Variants in CNGA3 observed in about 807,000 individuals in gnomAD.
CNGA3 encodes cyclic nucleotide gated channel subunit alpha 3.
A neutral mutation model predicts 46.6 loss-of-function variants in CNGA3; 42 were observed. That is an observed-to-expected ratio of 0.90 (90% CI 0.70 to 1.17). The LOEUF is 1.17. Ranked by LOEUF, CNGA3 falls within the 50% of genes most tolerant of loss-of-function variation. The pLI, the probability that CNGA3 is intolerant of heterozygous loss-of-function variation, is 0.00. For synonymous variants in CNGA3, 394 were observed against 369.4 expected (o/e 1.07, Z -0.76); for missense variants, 893 against 890.7 (o/e 1.00, Z -0.03).
Position 98,368,421 on chromosome 2 carries a change from C to T in CNGA3, c.-37-1518C>T, listed in dbSNP as rs1310916556. Among the ~76,000 whole-genome samples, 5 of 152,224 alleles carry T rather than the reference C, an allele frequency of 3.3e-5. No homozygotes were observed. The South Asian group carries it at 1.0e-3, about 31-fold the overall frequency. ...CTGTGCTAATCTATTTTAGAGAAAC[C>T]ATCCTCAGAAATGCATCTTCCAGTG... On this transcript the variant is annotated intron_variant, in intron 1 of 7. Transcript: ENST00000272602.
intron 1 of CNGA3, among the ~76,000 whole-genome samples, chr2:98,352,328 A>G (rs1395916161): frequency 1.3e-5 from 2 of 152,184 alleles, no homozygotes; most frequent in African/African-American, 4.8e-5. Context: ...GCTACTGTAA[A>G]TAATGCTGCT....
chr2:98,382,830 G>A (rs1692568390), intron 4 of CNGA3, among the ~76,000 whole-genome samples: 1 of 152,192 alleles, frequency 6.6e-6, no homozygotes, highest in African/African-American at 2.4e-5. Flanking sequence ...AGATAGGAGA[G>A]GACAAGAGGA....
chr2:98,381,853 C>T (rs535116148), intron 4 of CNGA3, among the ~76,000 whole-genome samples: 2 of 152,148 alleles, frequency 1.3e-5, no homozygotes, highest in Admixed American at 6.5e-5. Context: ...GATAAGGAGG[C>T]AGGCAGATAA....
At chr2:98,392,599 A>AAAAGAAAAGAAAAG (rs1558818443) in intron 7 of CNGA3, among the ~76,000 whole-genome samples, 103 of 151,444 alleles carry the variant, frequency 6.8e-4, no homozygotes, top group African/African-American at 2.2e-3. Flanking sequence ...GAAAAGAAAA[A>AAAAGAAAAGAAAAG]AAAAGAAAAG....
chr2:98,367,483 C>A (rs949105403), intron 1 of CNGA3, among the ~76,000 whole-genome samples: 1 of 152,118 alleles, frequency 6.6e-6, no homozygotes, highest in Non-Finnish European at 1.5e-5. Flanking sequence ...CGTGAGCTAC[C>A]CCGCCCGGCT....
In CNGA3 at chr2:98,389,642, A is replaced by G; in HGVS notation, c.450-16A>G. On this transcript the variant is annotated splice_polypyrimidine_tract_variant and intron_variant, in intron 5 of 7. Transcript: ENST00000272602. ...TTGGAGCACAGTGCGCTGTTTGTGT[A>G]TGTGTGGGTTTCCAGGAAGAAGACG... The G allele has an allele frequency of 1.2e-6, 2 of 1,607,076 alleles. No individual in the cohort carries two copies. The highest frequency in any genetic ancestry group is 1.7e-6 in the Non-Finnish European group (2 of 1,173,708).
chr2:98,398,471 TCTTC>T lies in CNGA3; in HGVS notation c.*1221_*1224del, dbSNP rs1474012479. ...CTTCTTCCTTTCCTTTTTTCTTTCT[TCTTC>T]CTTCTTTCTTCCTTTTTCTCTCTCC... On this transcript the variant is annotated 3_prime_UTR_variant, in exon 8 of 8. Coordinates refer to ENST00000272602, the MANE Select transcript of CNGA3 (RefSeq NM_001298.3). 6.6e-6 allele frequency: 1 copy of T among 152,154 alleles called. No individual in the cohort carries two copies. The highest frequency in any genetic ancestry group is 1.5e-5 in the Non-Finnish European group (1 of 68,000). The allele number at this position is 152,154 out of a possible 1,614,324, so 9.4% of individuals were successfully genotyped here.
intron 1 of CNGA3, among the ~76,000 whole-genome samples, chr2:98,362,255 C>G (rs1692052415): frequency 6.9e-6 from 1 of 144,800 alleles, no homozygotes. Flanking sequence ...TCTCGGCTCA[C>G]TGCAACCTCT....
chr2:98,393,377 A>C (rs1035351525), intron 7 of CNGA3, among the ~76,000 whole-genome samples: 3 of 152,250 alleles, frequency 2.0e-5, no homozygotes, highest in African/African-American at 7.2e-5. Flanking sequence ...ATGAGACAAG[A>C]AGCTCAGGTG....
chr2:98,372,677 G>A (rs1474820112), intron 2 of CNGA3, among the ~76,000 whole-genome samples: 3 of 152,136 alleles, frequency 2.0e-5, no homozygotes, highest in Non-Finnish European at 2.9e-5. Context: ...CCCTCCTAGG[G>A]TTGTGGTGAG....
chr2:98,392,011 ACGGGAGTGTTC>A (rs766621130), intron 7 of CNGA3, 41 bp downstream of exon 7: 1 of 1,550,828 alleles, frequency 6.4e-7, no homozygotes, highest in South Asian at 1.1e-5. Flanking sequence ...CATGGCCCCC[ACGGGAGTGTTC>A]CGGGAGACCC....
intron 4 of CNGA3, among the ~76,000 whole-genome samples, chr2:98,381,666 G>T (rs750544425): frequency 2.0e-5 from 3 of 152,196 alleles, no homozygotes; most frequent in Non-Finnish European, 4.4e-5. Context: ...GAGAATCCCT[G>T]ACTGAGATGG....
Position 98,389,727 on chromosome 2 carries a change from C to T in CNGA3, c.519C>T (p.Thr173=), listed in dbSNP as rs763964348. ...GCAACCTGTACTACCGCTGGCTGAC[C>T]GCCATCGCCCTGCCTGTCTTCTATA... ...PSSNLYYRWL[T]AIALPVFYNW... is the part of the protein sequence containing the mutation. The change falls in exon 6 of 8, where the codon ACC becomes ACT. Residue 173 remains threonine (T), a synonymous_variant. Coordinates refer to ENST00000272602, the MANE Select transcript of CNGA3 (RefSeq NM_001298.3). The T allele has an allele frequency of 2.9e-5, 46 of 1,613,518 alleles. No homozygotes were observed. The highest frequency in any genetic ancestry group is 1.8e-4 in the Middle Eastern group (1 of 5,606).
At position 98,383,427 on chromosome 2, in the gene CNGA3, C is replaced by A. The variant is rs868247684; in HGVS notation, c.435C>A (p.Asn145Lys). 6.2e-7 allele frequency: 1 copy of A among 1,614,212 alleles called. No individual in the cohort carries two copies. The highest frequency in any genetic ancestry group is 1.3e-5 in the African/African-American group (1 of 75,056). Reference protein sequence around the residue: ...PLAKCNTNTSNNTEEEKKTKK... With the variant: ...PLAKCNTNTSKNTEEEKKTKK... Reference sequence around the variant, plus strand: ...CCAAATGCAACACTAACACCAGCAACAACACGGAGGAGGAGTAAGTACCCA... The same window carrying A: ...CCAAATGCAACACTAACACCAGCAAAAACACGGAGGAGGAGTAAGTACCCA... Residue 145 changes from asparagine (N) to lysine (K), a missense_variant, in exon 5 of 8, where the codon AAC becomes AAA. Asn to Lys is a moderately conservative substitution (Grantham distance 94, BLOSUM62 0). Coordinates refer to ENST00000272602, the MANE Select transcript of CNGA3 (RefSeq NM_001298.3).
In CNGA3 at chr2:98,366,242, C is replaced by A. The variant is rs113350905; in HGVS notation, c.-37-3697C>A. 4.5e-3 allele frequency among the ~76,000 whole-genome samples: 655 copies of A among 145,360 alleles called. 3 individuals are homozygous for A. The highest frequency in any genetic ancestry group is 0.015 in the African/African-American group (612 of 40,682). On this transcript the variant is annotated intron_variant, in intron 1 of 7. Coordinates refer to ENST00000272602, the MANE Select transcript of CNGA3 (RefSeq NM_001298.3). ...CTGGAGGTGTTACCAGTGGAGGCTGCAGAACAGCAAAGATGGCTGCCTGCT... is the reference window on the plus strand; with the variant it reads ...CTGGAGGTGTTACCAGTGGAGGCTGAAGAACAGCAAAGATGGCTGCCTGCT...
chr2:98,395,980 C>T lies in CNGA3; in HGVS notation c.810C>T (p.Tyr270=). 1.2e-6 allele frequency: 2 copies of T among 1,614,194 alleles called. No individual in the cohort carries two copies. The highest frequency in any genetic ancestry group is 2.2e-5 in the South Asian group (2 of 91,084). Residue 270 remains tyrosine, a synonymous_variant, in exon 8 of 8, where the codon TAC becomes TAT. Coordinates refer to ENST00000272602, the MANE Select transcript of CNGA3 (RefSeq NM_001298.3). The part of the protein sequence containing the change: ...DLAYLKVGTN[Y]PEVRFNRLLK... ...CTTACTTAAAGGTGGGCACAAACTA[C>T]CCAGAAGTGAGGTTCAACCGCCTAC...
At chr2:98,379,956 G>A (rs1692499399) in intron 3 of CNGA3, 1 of 606,188 alleles carries the variant, frequency 1.6e-6, no homozygotes, top group Admixed American at 2.8e-5. Context: ...CTGACTGCAG[G>A]GTGGAGGGAG....
intron 5 of CNGA3, among the ~76,000 whole-genome samples, chr2:98,386,529 C>T (rs1333956313): frequency 6.6e-6 from 1 of 152,218 alleles, no homozygotes; most frequent in African/African-American, 2.4e-5. Context: ...ACCATGATTG[C>T]GAGGCCTCCC....
intron 1 of CNGA3, among the ~76,000 whole-genome samples, chr2:98,354,128 C>T (rs1574357779): frequency 6.6e-6 from 1 of 152,200 alleles, no homozygotes; most frequent in East Asian, 1.9e-4. Flanking sequence ...CTCTAGATTA[C>T]TTATAGTAGT....
Sources: allele counts gnomAD v4.1 joint callset (sites outside exome capture counted in the v4.1 genomes callset), GRCh38; gene constraint gnomAD v4.1.1; transcripts MANE v1.5; gene names NCBI Gene and HGNC (gene_info 2026-07-23, HGNC 2026-07-21).